CEP164: variants seen among roughly 807,000 people sequenced by gnomAD.
CEP164 encodes the protein centrosomal protein of 164 kDa.
In CEP164, 162 loss-of-function variants were observed where a neutral mutation model predicts 182.7. The ratio of observed to expected loss-of-function variants is 0.89; its 90% CI spans 0.78 to 1.01. CEP164 has a LOEUF of 1.01. Among genes scored for constraint, CEP164 ranks in the 50% least tolerant of loss-of-function variants. The pLI is 0.00. For synonymous variants in CEP164, 661 were observed against 690.0 expected (o/e 0.96, Z 0.66); for missense variants, 1,735 against 1,790.4 (o/e 0.97, Z 0.56).
At chr11:117,390,047 A>G (rs941655145) in intron 15 of CEP164, among the ~76,000 whole-genome samples, 1 of 150,024 alleles carries the variant, frequency 6.7e-6, no homozygotes, top group Non-Finnish European at 1.5e-5. Flanking sequence ...GGTTCCAGCA[A>G]TTCTCCTGTC....
At chr11:117,388,485 C>A (rs1450645293) in intron 15 of CEP164, among the ~76,000 whole-genome samples, 1 of 152,220 alleles carries the variant, frequency 6.6e-6, no homozygotes, top group East Asian at 1.9e-4. Context: ...TATGCCCAAG[C>A]CTTTCTGAGG....
rs1161213164 is a variant in CEP164 at position 117,409,185 on chromosome 11, C to A, written c.3748+157C>A. On this transcript the variant is annotated intron_variant, in intron 29 of 32. Transcript: ENST00000278935. The surrounding 1 kb of genome is among the most constrained non-coding windows in gnomAD (Gnocchi z 4.4). ...CTCGGTCAGTGCTGGGAAGGAATCACACCATCTAGGTTTGCCAGCACGTGG... is the reference window on the plus strand; with the variant it reads ...CTCGGTCAGTGCTGGGAAGGAATCAAACCATCTAGGTTTGCCAGCACGTGG... The A allele has an allele frequency of 4.0e-6, 4 of 1,001,494 alleles. No individual in the cohort carries two copies. Among genetic ancestry groups the A allele is most frequent in the African/African-American group, 1.6e-5 (1 of 61,712 alleles). The allele number at this position is 1,001,494 out of a possible 1,614,324, so 62.0% of individuals were successfully genotyped here.
Position 117,391,218 on chromosome 11 carries a change from G to A in CEP164, c.2283+3G>A. 1.2e-6 allele frequency: 2 copies of A among 1,604,362 alleles called. No individual in the cohort carries two copies. The highest frequency in any genetic ancestry group is 1.7e-6 in the Non-Finnish European group (2 of 1,176,176). ...AGCTGGAAGGGGAGAGGAAAGAAGT[G>A]AGCTAGTCAAGTGGGGACCTCACCC... is the stretch of plus-strand genomic sequence containing the variant. On this transcript the variant is annotated splice_donor_region_variant and intron_variant, in intron 17 of 32. Coordinates refer to ENST00000278935, the MANE Select transcript of CEP164 (RefSeq NM_014956.5).
chr11:117,386,748 G>A lies in CEP164; in HGVS notation c.1725-455G>A, dbSNP rs915443978. 5.2e-5 allele frequency: 9 copies of A among 171,768 alleles called. No homozygotes were observed. The South Asian group carries it at 9.5e-4, about 18-fold the overall frequency. The allele number at this position is 171,768 out of a possible 1,614,324, so 10.6% of individuals were successfully genotyped here. A position where few individuals can be genotyped will look rare whatever the true frequency, so the allele number is the denominator to read the frequency against. On this transcript the variant is annotated intron_variant, in intron 14 of 32. Transcript: ENST00000278935. Reference sequence around the variant, plus strand: ...ACATTGGCCACTACTCAGTTTGGGAGGCAGAAAGCAATCTCTGGGGACTGT... The same window carrying A: ...ACATTGGCCACTACTCAGTTTGGGAAGCAGAAAGCAATCTCTGGGGACTGT...
chr11:117,329,567 A>C (rs1286905110), intron 1 of CEP164, among the ~76,000 whole-genome samples: 2 of 150,728 alleles, frequency 1.3e-5, no homozygotes, highest in South Asian at 2.1e-4. Context: ...TTTGAAATAG[A>C]GTCTTGCTCT....
intron 15 of CEP164, among the ~76,000 whole-genome samples, chr11:117,389,692 A>G (rs777935317): frequency 6.6e-6 from 1 of 152,180 alleles, no homozygotes; most frequent in Non-Finnish European, 1.5e-5. Flanking sequence ...AGGAATGAAT[A>G]TGGGTTTGCC....
At chr11:117,380,462 T>C in intron 11 of CEP164, 152 bp from the exon 12 acceptor site, 1 of 640,184 alleles carries the variant, frequency 1.6e-6, no homozygotes, top group Non-Finnish European at 2.7e-6. Context: ...CACTGTGCAG[T>C]AGATCAACCT....
At chr11:117,371,596 G>A in intron 9 of CEP164, 130 bp downstream of exon 9, 2 of 1,142,994 alleles carry the variant, frequency 1.7e-6, no homozygotes, top group Non-Finnish European at 2.4e-6. Context: ...CCTGCACTGG[G>A]CTGTCAGCAT....
chr11:117,375,287 C>T lies in CEP164; in HGVS notation c.1234-421C>T, dbSNP rs1425902883. 4.6e-5 allele frequency among the ~76,000 whole-genome samples: 7 copies of T among 152,154 alleles called. No individual in the cohort carries two copies. In the East Asian group the frequency reaches 1.3e-3, roughly 29 times the overall value. On this transcript the variant is annotated intron_variant, in intron 10 of 32. Coordinates refer to ENST00000278935, the MANE Select transcript of CEP164 (RefSeq NM_014956.5). ...GGAGTCAGTGCGGGGCCCCATCTGA[C>T]CCCCAGGCCCCTTGCTTATCAGCTG... is the stretch of plus-strand genomic sequence containing the variant.
chr11:117,410,688 C>T, intron 30 of CEP164, 140 bp from the exon 31 acceptor site: 1 of 607,870 alleles, frequency 1.6e-6, no homozygotes, highest in Non-Finnish European at 2.9e-6. Flanking sequence ...TAAATAGGAC[C>T]ATTCCTGTCT....
chr11:117,401,612 T>G (rs963215203), intron 27 of CEP164, among the ~76,000 whole-genome samples: 2 of 152,190 alleles, frequency 1.3e-5, no homozygotes, highest in East Asian at 3.8e-4. Context: ...GTCCTGGGCT[T>G]TTTTTGATTT....
rs531161184 is a variant in CEP164, at chr11:117,409,894, C to T, written c.4025C>T (p.Pro1342Leu). The T allele has an allele frequency of 2.0e-5, 33 of 1,613,950 alleles. No individual in the cohort carries two copies. In the African/African-American group the frequency reaches 2.4e-4, roughly 12 times the overall value. Reference protein sequence around the residue: ...TQWAWDSGQGPRLPSSVAQTV... With the variant: ...TQWAWDSGQGLRLPSSVAQTV... ...TGGGCCTGGGATTCAGGGCAGGGGC[C>T]CAGGCTCCCCTCCTCTGTGGCTCAA... Residue 1342 changes from proline to leucine, a missense_variant, in exon 30 of 33, where the codon CCC becomes CTC. By Grantham distance (98) the Pro-to-Leu change is moderately conservative. Coordinates refer to ENST00000278935, the MANE Select transcript of CEP164 (RefSeq NM_014956.5). The surrounding 1 kb of genome is among the most constrained non-coding windows in gnomAD (Gnocchi z 4.4).
intron 18 of CEP164, 59 bp downstream of exon 18, chr11:117,392,362 C>T: frequency 6.3e-7 from 1 of 1,578,812 alleles, no homozygotes; most frequent in Non-Finnish European, 8.6e-7. Context: ...AGCCCCATCC[C>T]TGGCTACTAG....
intron 1 of CEP164, among the ~76,000 whole-genome samples, chr11:117,328,555 T>G (rs904099829): frequency 2.6e-5 from 4 of 152,188 alleles, no homozygotes; most frequent in African/African-American, 4.8e-5. Flanking sequence ...CTCGGCGCAC[T>G]CCATCTCTTG....
chr11:117,379,901 T>G (rs2043137915), intron 11 of CEP164, among the ~76,000 whole-genome samples: 1 of 147,722 alleles, frequency 6.8e-6, no homozygotes, highest in South Asian at 2.2e-4. Context: ...ATGTCACTAG[T>G]CACCCAAGCT....
At chr11:117,382,682 T>C (rs904788377) in intron 13 of CEP164, 114 bp from the exon 14 acceptor site, 16 of 1,268,376 alleles carry the variant, frequency 1.3e-5, no homozygotes, top group African/African-American at 3.0e-5. Flanking sequence ...GTAGGGAAAT[T>C]GTTGGGCTGT....
chr11:117,336,657 C>A, intron 2 of CEP164: 1 of 997,392 alleles, frequency 1.0e-6, no homozygotes, highest in Non-Finnish European at 1.6e-6. Flanking sequence ...CCAGCCTTTC[C>A]ACGGCTGCCT....
Position 117,356,004 on chromosome 11 carries a change from G to A in CEP164, c.393+4016G>A. The A allele has an allele frequency of 5.3e-6, 6 of 1,134,100 alleles. No individual in the cohort carries two copies. The South Asian group carries it at 1.0e-4, about 19-fold the overall frequency. 70.3% of individuals were successfully genotyped at this position (1,134,100 alleles called of 1,614,324 possible). A position where few individuals can be genotyped will look rare whatever the true frequency, so the allele number is the denominator to read the frequency against. On this transcript the variant is annotated intron_variant, in intron 5 of 32. Coordinates refer to ENST00000278935, the MANE Select transcript of CEP164 (RefSeq NM_014956.5). ...TTGTCTGGGCCTGACTTGGAGAGCAGCAGCAGCAGCAGCAGCAACAGCAAC... is the reference window on the plus strand; with the variant it reads ...TTGTCTGGGCCTGACTTGGAGAGCAACAGCAGCAGCAGCAGCAACAGCAAC...
chr11:117,396,712 T>C (rs1444109843), intron 26 of CEP164, 101 bp downstream of exon 26: 6 of 944,544 alleles, frequency 6.4e-6, no homozygotes, highest in Middle Eastern at 4.3e-4. Context: ...GAGGAGACGG[T>C]GATCACCAGT....
Sources: allele counts gnomAD v4.1 joint callset (sites outside exome capture counted in the v4.1 genomes callset), GRCh38; gene constraint gnomAD v4.1.1; non-coding constraint Gnocchi (gnomAD v3.1); transcripts MANE v1.5; gene names NCBI Gene and HGNC (gene_info 2026-07-23, HGNC 2026-07-21).